SLC25A48: variants seen among roughly 807,000 people sequenced by gnomAD.
SLC25A48 encodes CTC-321K16.1.
In SLC25A48, 29 loss-of-function variants were observed where a neutral mutation model predicts 32.2. That is an observed-to-expected ratio of 0.90 (90% CI 0.67 to 1.23). The LOEUF (loss-of-function observed/expected upper bound fraction) is 1.23, where lower values mean the gene tolerates loss of function less well. Ranked by LOEUF, SLC25A48 falls within the 50% of genes most tolerant of loss-of-function variation. The pLI is 0.00. For missense variants in SLC25A48, 399 were observed against 422.7 expected (o/e 0.94, Z 0.49); for synonymous variants, 164 against 172.3 (o/e 0.95, Z 0.38).
At chr5:135,679,871 C>G (rs924484833) in intron 3 of SLC25A48, among the ~76,000 whole-genome samples, 17 of 152,160 alleles carry the variant, frequency 1.1e-4, no homozygotes, top group African/African-American at 4.1e-4. Context: ...CCAGTGCGAG[C>G]TTTCTCTCCA....
intron 3 of SLC25A48, among the ~76,000 whole-genome samples, chr5:135,709,096 T>C (rs982763435): frequency 3.9e-5 from 6 of 152,144 alleles, no homozygotes; most frequent in African/African-American, 1.2e-4. Context: ...CTAAAATTCA[T>C]TGGAAAATTG....
chr5:135,821,131 G>A (rs1757874349), intron 4 of SLC25A48, among the ~76,000 whole-genome samples: 1 of 152,196 alleles, frequency 6.6e-6, no homozygotes. Context: ...TGACAGTGGT[G>A]CACTTTCTTA....
chr5:135,738,665 C>T (rs1755434409), intron 3 of SLC25A48, among the ~76,000 whole-genome samples: 1 of 152,198 alleles, frequency 6.6e-6, no homozygotes. Flanking sequence ...CCGGGATCAT[C>T]AAGGCCCCTT....
upstream of SLC25A48, among the ~76,000 whole-genome samples, chr5:135,833,786 G>C (rs1758299123): frequency 6.6e-6 from 1 of 152,210 alleles, no homozygotes; most frequent in South Asian, 2.1e-4. Context: ...ACAGGCCTTT[G>C]TAGGATCAAG....
At chr5:135,699,219 G>A (rs1198530447) in intron 3 of SLC25A48, among the ~76,000 whole-genome samples, 2 of 152,160 alleles carry the variant, frequency 1.3e-5, no homozygotes, top group Non-Finnish European at 2.9e-5. Flanking sequence ...GACTTATACA[G>A]GAATGTTTAT....
At position 135,888,377 on chromosome 5, in the gene SLC25A48, AG is replaced by A; in HGVS notation, c.*357del. 3.1e-6 allele frequency: 1 copy of A among 317,664 alleles called. No individual in the cohort carries two copies. Among genetic ancestry groups the A allele is most frequent in the Non-Finnish European group, 6.0e-6 (1 of 167,916 alleles). 19.7% of individuals were successfully genotyped at this position (317,664 alleles called of 1,614,324 possible). On this transcript the variant is annotated 3_prime_UTR_variant, in exon 8 of 8. Coordinates refer to ENST00000681962, the MANE Select transcript of SLC25A48 (RefSeq NM_001349336.2). ...TTCACTCCTCTGTCTGAGGATGGGGAGGGGCCAGTGAGCTCTGGGCTCAGCC... is the reference window on the plus strand; with the variant it reads ...TTCACTCCTCTGTCTGAGGATGGGGAGGGCCAGTGAGCTCTGGGCTCAGCC...
At chr5:135,807,720 C>T (rs1239012324) in intron 3 of SLC25A48, among the ~76,000 whole-genome samples, 1 of 149,842 alleles carries the variant, frequency 6.7e-6, no homozygotes, top group African/African-American at 2.4e-5. Context: ...TGTGTTAACA[C>T]TGTGTGTAAA....
chr5:135,818,092 T>TCTCTCTCTCTCTCC (rs1757779605), intron 4 of SLC25A48, among the ~76,000 whole-genome samples: 2 of 146,098 alleles, frequency 1.4e-5, no homozygotes, highest in African/African-American at 5.1e-5. Context: ...TCTCTCTCTC[T>TCTCTCTCTCTCTCC]CTCTCTCTCT....
At position 135,805,431 on chromosome 5, in the gene SLC25A48, C is replaced by A. The variant is rs570479502; in HGVS notation, c.-520-7092C>A. On this transcript the variant is annotated intron_variant, in intron 3 of 10. Transcript: ENST00000646290. Reference sequence around the variant, plus strand: ...TGTAATATGAAGATATTACTCCTAACATCACAGTGGGTATACACGCTGTGC... The same window carrying A: ...TGTAATATGAAGATATTACTCCTAAAATCACAGTGGGTATACACGCTGTGC... 4.0e-5 allele frequency among the ~76,000 whole-genome samples: 6 copies of A among 151,458 alleles called. No homozygotes were observed. In the South Asian group the frequency reaches 8.3e-4, roughly 21 times the overall value.
chr5:135,861,313 G>GCACACACACA (rs10561751), intron 4 of SLC25A48, among the ~76,000 whole-genome samples: 1 of 145,692 alleles, frequency 6.9e-6, no homozygotes, highest in South Asian at 2.2e-4. Flanking sequence ...AAATACACAC[G>GCACACACACA]CACACACACA....
rs148352913 is a variant in SLC25A48 at position 135,645,736 on chromosome 5, G to C, written c.-521+10780G>C. ...TCCTTCAGTGGCTCATGTTTTACTA[G>C]CAGCTGCTTCATAGTTCCAGCACTC... On this transcript the variant is annotated intron_variant, in intron 3 of 10. Coordinates refer to the SLC25A48 transcript ENST00000646290. Among the ~76,000 whole-genome samples, 8 of 152,270 alleles carry C rather than the reference G, an allele frequency of 5.3e-5. No homozygotes were observed. In the East Asian group the frequency reaches 1.5e-3, roughly 29 times the overall value.
chr5:135,597,373 T>C (rs1321154983), intron 1 of SLC25A48, among the ~76,000 whole-genome samples: 1 of 152,170 alleles, frequency 6.6e-6, no homozygotes, highest in Non-Finnish European at 1.5e-5. Context: ...GAAGTCACCC[T>C]CCAGGTTAGG....
At chr5:135,829,420 AGGTT>A (rs1470787073) in intron 4 of SLC25A48, among the ~76,000 whole-genome samples, 1 of 152,142 alleles carries the variant, frequency 6.6e-6, no homozygotes, top group East Asian at 1.9e-4. Context: ...CTCAACCCGC[AGGTT>A]GACTCTGATG....
chr5:135,691,034 A>AGATGCCAC (rs1016364450), intron 3 of SLC25A48, among the ~76,000 whole-genome samples: 8 of 152,284 alleles, frequency 5.3e-5, no homozygotes, highest in African/African-American at 1.9e-4. Context: ...GTTTAAGAAA[A>AGATGCCAC]GATGCCACGA....
At chr5:135,886,667 TGTGTGTGA>T (rs1362002718) in intron 7 of SLC25A48, among the ~76,000 whole-genome samples, 8 of 87,640 alleles carry the variant, frequency 9.1e-5, no homozygotes, top group Admixed American at 2.2e-4. Context: ...TGTGTGTGTG[TGTGTGTGA>T]GAGAGAGAGA....
intron 3 of SLC25A48, among the ~76,000 whole-genome samples, chr5:135,731,017 A>C (rs1755207968): frequency 6.6e-6 from 1 of 152,218 alleles, no homozygotes; most frequent in Non-Finnish European, 1.5e-5. Flanking sequence ...GTCCATGTGA[A>C]GAGACCACAA....
intron 3 of SLC25A48, among the ~76,000 whole-genome samples, chr5:135,652,678 C>T (rs1431302455): frequency 3.3e-5 from 5 of 152,240 alleles, no homozygotes; most frequent in Admixed American, 1.3e-4. Context: ...CATAATATGG[C>T]GTTATTTCCC....
chr5:135,775,318 A>G (rs1159362074), intron 3 of SLC25A48, among the ~76,000 whole-genome samples: 5 of 151,472 alleles, frequency 3.3e-5, no homozygotes, highest in African/African-American at 1.2e-4. Context: ...GAAGAAGATG[A>G]CATTACTCCC....
chr5:135,588,823 G>A (rs115777853), intron 1 of SLC25A48, among the ~76,000 whole-genome samples: 100 of 152,272 alleles, frequency 6.6e-4, no homozygotes, highest in East Asian at 4.2e-3. Flanking sequence ...AGGGTATTGC[G>A]GAGAGCCTTG....
Sources: gnomAD v4.1 joint callset for allele counts (sites outside exome capture counted in the v4.1 genomes callset) on GRCh38, gnomAD v4.1.1 for gene constraint, MANE v1.5 for transcripts, NCBI Gene and HGNC (gene_info 2026-07-23, HGNC 2026-07-21) for gene names.